The following SSUH2 variants were observed in gnomAD, a reference collection of about 807,000 sequenced individuals.
SSUH2 encodes the protein protein SSUH2 homolog.
A neutral mutation model predicts 55.3 loss-of-function variants in SSUH2; 47 were observed. That is an observed-to-expected ratio of 0.85 (90% CI 0.67 to 1.08). The LOEUF is 1.08. SSUH2 is among the 50% of genes least tolerant of loss of function. The pLI, the probability that SSUH2 is intolerant of heterozygous loss-of-function variation, is 0.00. For synonymous variants in SSUH2, 212 were observed against 191.5 expected, an observed-to-expected ratio of 1.11 and a Z score of -0.89; for missense variants, 535 against 490.7, an observed-to-expected ratio of 1.09 and a Z score of -0.85.
At chr3:8,633,891 A>G (rs1209888187) in intron 3 of SSUH2, 96 bp from the exon 4 acceptor site, 1 of 1,613,964 alleles carries the variant, frequency 6.2e-7, no homozygotes, top group Non-Finnish European at 8.5e-7. Context: ...CGAGAAACTG[A>G]GGCCACGGTA....
chr3:8,663,669 T>G (rs947416672), intron 6 of SSUH2: 19 of 369,680 alleles, frequency 5.1e-5, no homozygotes, highest in Admixed American at 2.6e-4. Flanking sequence ...GTGCTAGGAA[T>G]GTGTTAATTG....
upstream of SSUH2, among the ~76,000 whole-genome samples, chr3:8,644,949 C>T (rs1248043047): frequency 6.6e-6 from 1 of 152,186 alleles, no homozygotes; most frequent in Non-Finnish European, 1.5e-5. Context: ...GTTCTGGGAG[C>T]TCCTCTTCCA....
At chr3:8,680,653 T>A (rs537084104) in intron 1 of SSUH2, among the ~76,000 whole-genome samples, 45 of 152,086 alleles carry the variant, frequency 3.0e-4, no homozygotes, top group Middle Eastern at 3.4e-3. Context: ...GGATCGTGGG[T>A]ACAACATCCC....
At chr3:8,650,745 G>A (rs755722540) in intron 7 of SSUH2, among the ~76,000 whole-genome samples, 33 of 152,296 alleles carry the variant, frequency 2.2e-4, no homozygotes, top group Non-Finnish European at 4.1e-4. Flanking sequence ...CTCCATCCCC[G>A]TGGTTGGAAA....
In SSUH2 at chr3:8,644,521, A is replaced by G. The variant is rs1205545509; in HGVS notation, c.28+210T>C. ...CTTTACACACGAGAGGAAGGAAGGA[A>G]GGAAGGGGTGCTCTCGGCAATCCAG... On this transcript the variant is annotated intron_variant, in intron 1 of 11. Coordinates refer to ENST00000544814, the MANE Select transcript of SSUH2 (RefSeq NM_001256748.3). Among the ~76,000 whole-genome samples the G allele has an allele frequency of 2.6e-5, 4 of 152,312 alleles. No homozygotes were observed. The East Asian group carries it at 7.7e-4, about 29-fold the overall frequency.
chr3:8,677,809 A>C (rs1191974041), intron 2 of SSUH2, among the ~76,000 whole-genome samples: 1 of 150,664 alleles, frequency 6.6e-6, no homozygotes, highest in African/African-American at 2.4e-5. Flanking sequence ...GTGGTGACTG[A>C]GAGCCAGCCC....
chr3:8,673,380 C>T (rs1704837843), intron 3 of SSUH2, among the ~76,000 whole-genome samples: 1 of 151,996 alleles, frequency 6.6e-6, no homozygotes, highest in Admixed American at 6.5e-5. Context: ...TGCTCGTTTA[C>T]GATGCAAAAC....
chr3:8,632,188 C>T (rs1479367651), intron 4 of SSUH2, 79 bp from the exon 5 acceptor site: 1 of 1,262,870 alleles, frequency 7.9e-7, no homozygotes, highest in East Asian at 2.3e-5. Context: ...GAAGCTGTTA[C>T]CCTCCCAGGG....
In SSUH2 at chr3:8,623,663, G is replaced by T. The variant is rs370840491; in HGVS notation, c.874-7C>A. ...AGTCCACGATGGGGTACACCTGGGG[G>T]AAAGAGAGAGAGACACAGACCACCT... On this transcript the variant is annotated splice_region_variant and splice_polypyrimidine_tract_variant and intron_variant, in intron 10 of 11. Coordinates refer to ENST00000544814, the MANE Select transcript of SSUH2 (RefSeq NM_001256748.3). The T allele has an allele frequency of 2.1e-6, 3 of 1,455,692 alleles. No homozygotes were observed. The highest frequency in any genetic ancestry group is 2.8e-5 in the African/African-American group (2 of 71,158). The allele number at this position is 1,455,692 out of a possible 1,614,324, so 90.2% of individuals were successfully genotyped here. A position where few individuals can be genotyped will look rare whatever the true frequency, so the allele number is the denominator to read the frequency against.
At chr3:8,660,584 A>C (rs1279754208) in intron 6 of SSUH2, among the ~76,000 whole-genome samples, 1 of 152,200 alleles carries the variant, frequency 6.6e-6, no homozygotes, top group African/African-American at 2.4e-5. Context: ...AGAGAAAGAC[A>C]AATTCCTTTA....
chr3:8,674,375 A>T (rs1299766840), intron 3 of SSUH2, among the ~76,000 whole-genome samples: 1 of 152,192 alleles, frequency 6.6e-6, no homozygotes, highest in Non-Finnish European at 1.5e-5. Context: ...ACAAGGAGGA[A>T]GGGGCCCGGC....
At chr3:8,639,930 G>C (rs1422241838) in intron 1 of SSUH2, 1 of 981,418 alleles carries the variant, frequency 1.0e-6, no homozygotes, top group African/African-American at 1.8e-5. Flanking sequence ...GTAAGTGTTA[G>C]GGGAACAGCA....
At chr3:8,663,117 T>G (rs918542035) in intron 6 of SSUH2, among the ~76,000 whole-genome samples, 1 of 152,244 alleles carries the variant, frequency 6.6e-6, no homozygotes, top group African/African-American at 2.4e-5. Flanking sequence ...GGGCTTTGCA[T>G]GCCTGCTCCC....
chr3:8,659,724 T>C (rs1229793529), intron 6 of SSUH2: 3 of 454,490 alleles, frequency 6.6e-6, no homozygotes, highest in South Asian at 3.1e-5. Flanking sequence ...CGTCTGTCCA[T>C]CCATCCATAT....
chr3:8,660,244 G>A (rs369370104), intron 6 of SSUH2, among the ~76,000 whole-genome samples: 1 of 152,162 alleles, frequency 6.6e-6, no homozygotes, highest in Non-Finnish European at 1.5e-5. Flanking sequence ...TAAAGAGAGC[G>A]CTGGTTAGAG....
At chr3:8,623,473 C>A in intron 11 of SSUH2, 76 bp downstream of exon 11, 1 of 923,748 alleles carries the variant, frequency 1.1e-6, no homozygotes, top group East Asian at 2.6e-5. Flanking sequence ...CCTTCCGCTC[C>A]GACGTTCTCA....
intron 1 of SSUH2, among the ~76,000 whole-genome samples, chr3:8,639,299 T>C (rs1700443276): frequency 2.0e-5 from 3 of 152,294 alleles, no homozygotes; most frequent in South Asian, 2.1e-4. Context: ...GTCCCGTGGC[T>C]CCCAAAGGGA....
chr3:8,678,725 G>C (rs113459475), intron 2 of SSUH2, among the ~76,000 whole-genome samples: 1 of 37,334 alleles, frequency 2.7e-5, no homozygotes, highest in Non-Finnish European at 5.4e-5. Context: ...CCCCCAACGT[G>C]GGGGGGGGAG....
chr3:8,669,638 C>A (rs1276878893), intron 5 of SSUH2, among the ~76,000 whole-genome samples: 2 of 152,210 alleles, frequency 1.3e-5, no homozygotes, highest in African/African-American at 4.8e-5. Context: ...GCTAACATCA[C>A]CAGCAACAGA....
Sources: gnomAD v4.1 joint callset for allele counts (sites outside exome capture counted in the v4.1 genomes callset) on GRCh38, gnomAD v4.1.1 for gene constraint, MANE v1.5 for transcripts, NCBI Gene and HGNC (gene_info 2026-07-23, HGNC 2026-07-21) for gene names.